Variants in ZNF75D observed in about 807,000 individuals in gnomAD.
ZNF75D encodes zinc finger protein 75D.
ZNF75D carries 33 observed loss-of-function variants against 33.3 expected under a neutral mutation model. That is an observed-to-expected ratio of 0.99 (90% CI 0.75 to 1.32). ZNF75D has a LOEUF of 1.32. Ranked by LOEUF, ZNF75D falls within the 40% of genes most tolerant of loss-of-function variation. The pLI, the probability that ZNF75D is intolerant of heterozygous loss-of-function variation, is 0.00. For synonymous variants in ZNF75D, 113 were observed against 130.6 expected (o/e 0.87, Z 0.92); for missense variants, 338 against 367.5 (o/e 0.92, Z 0.66).
chrX:135,319,565 G>A (rs1406958599), intron 1 of ZNF75D, among the ~76,000 whole-genome samples: 6 of 112,033 alleles, frequency 5.4e-5, no homozygotes, highest in African/African-American at 2.0e-4. Flanking sequence ...ATCTTCCTAT[G>A]AGGAGTGGTC....
At chrX:135,257,881 A>G (rs1303212326) in intron 1 of ZNF75D, among the ~76,000 whole-genome samples, 4 of 110,784 alleles carry the variant, frequency 3.6e-5, no homozygotes, top group Admixed American at 9.7e-5. Context: ...TGCTGGTTTT[A>G]TACATGTGCC....
chrX:135,262,674 A>C (rs1299858039), intron 1 of ZNF75D, among the ~76,000 whole-genome samples: 1 of 111,775 alleles, frequency 8.9e-6, no homozygotes, highest in Non-Finnish European at 1.9e-5. Context: ...TACACTGTTT[A>C]TTCTAGTTAG....
In ZNF75D at chrX:135,306,288, TACACACACACACACACACACAC is replaced by T. The variant is rs57049630; in HGVS notation, c.-390-10271_-390-10250del. Among the ~76,000 whole-genome samples the T allele has an allele frequency of 1.2e-4, 10 of 83,235 alleles. No homozygotes were observed. The South Asian group carries it at 4.7e-3, about 39-fold the overall frequency. The allele number at this position is 83,235 out of a possible 115,157, so 72.3% of individuals were successfully genotyped here. A position where few individuals can be genotyped will look rare whatever the true frequency, so the allele number is the denominator to read the frequency against. On this transcript the variant is annotated intron_variant, in intron 1 of 6. Transcript: ENST00000370766. ...AGGAAGACAGGACAACAGAGATACA[TACACACACACACACACACACAC>T]ACACACACACACACACACACACACA... is the stretch of plus-strand genomic sequence containing the variant.
intron 1 of ZNF75D, among the ~76,000 whole-genome samples, chrX:135,266,128 C>A (rs781787267): frequency 1.1e-4 from 12 of 111,078 alleles, no homozygotes; most frequent in Admixed American, 5.8e-4. Flanking sequence ...ATAACACATA[C>A]ACAAAAATAA....
At chrX:135,256,299 G>C (rs1476309727) in intron 1 of ZNF75D, among the ~76,000 whole-genome samples, 1 of 94,472 alleles carries the variant, frequency 1.1e-5, no homozygotes, top group Non-Finnish European at 2.1e-5. Context: ...AGCGTGGAGA[G>C]TCTGTGCACT....
At chrX:135,283,529 A>C (rs782470978), downstream of ZNF75D, among the ~76,000 whole-genome samples, 20 of 112,046 alleles carry the variant, frequency 1.8e-4, no homozygotes, top group African/African-American at 6.5e-4. Flanking sequence ...ATTACTTGAC[A>C]GAAGACTAGG....
At chrX:135,310,280 C>T (rs1040636214) in intron 1 of ZNF75D, among the ~76,000 whole-genome samples, 1 of 111,485 alleles carries the variant, frequency 9.0e-6, no homozygotes, top group Non-Finnish European at 1.9e-5. Context: ...AATTAATTTT[C>T]CTGAAGTGAA....
chrX:135,319,176 T>C (rs2084464275), intron 1 of ZNF75D, among the ~76,000 whole-genome samples: 1 of 112,468 alleles, frequency 8.9e-6, no homozygotes, highest in Non-Finnish European at 1.9e-5. Context: ...CCTCTAAGTT[T>C]CATTACTGCC....
At chrX:135,258,189 C>G (rs2083817291) in intron 1 of ZNF75D, among the ~76,000 whole-genome samples, 1 of 97,117 alleles carries the variant, frequency 1.0e-5, no homozygotes, top group South Asian at 4.0e-4. Flanking sequence ...ATAATCCAGT[C>G]TATCATTGAT....
intron 1 of ZNF75D, among the ~76,000 whole-genome samples, chrX:135,331,670 T>A (rs1422718074): frequency 9.0e-6 from 1 of 111,637 alleles, no homozygotes; most frequent in Non-Finnish European, 1.9e-5. Flanking sequence ...GCAGTCCTTC[T>A]GTGCCCTCTT....
intron 3 of ZNF75D, among the ~76,000 whole-genome samples, chrX:135,249,508 T>C (rs1422577217): frequency 8.4e-5 from 9 of 107,673 alleles, no homozygotes; most frequent in Admixed American, 4.0e-4. Context: ...AATCTCTTCG[T>C]TGGTCCATGG....
intron 1 of ZNF75D, among the ~76,000 whole-genome samples, chrX:135,337,967 T>G (rs1032308801): frequency 2.0e-4 from 22 of 110,400 alleles, no homozygotes; most frequent in African/African-American, 7.2e-4. Flanking sequence ...TTGAGGATTT[T>G]GGGGGTTGAG....
downstream of ZNF75D, among the ~76,000 whole-genome samples, chrX:135,284,266 T>A (rs1001634873): frequency 8.9e-6 from 1 of 112,465 alleles, no homozygotes; most frequent in Non-Finnish European, 1.9e-5. Flanking sequence ...AGCCATGTAC[T>A]GAGAAGGTGG....
chrX:135,293,585 G>A (rs981756898), intron 3 of ZNF75D, 145 bp downstream of exon 3: 1 of 515,541 alleles, frequency 1.9e-6, no homozygotes, highest in Non-Finnish European at 3.1e-6. Flanking sequence ...ATTGATGCAT[G>A]TATGTCATTT....
Position 135,293,719 on chromosome X carries a change from T to C in ZNF75D, c.411+11A>G. ...TACTTCATTGTACATGTAGGCAATC[T>C]TTCTTCTTACCTCATTCTTTGTTCC... On this transcript the variant is annotated intron_variant, in intron 3 of 6. Coordinates refer to ENST00000370766, the MANE Select transcript of ZNF75D (RefSeq NM_007131.5). The C allele has an allele frequency of 8.6e-7, 1 of 1,159,352 alleles. No homozygotes were observed. The highest frequency in any genetic ancestry group is 2.0e-5 in the South Asian group (1 of 49,377).
At chrX:135,333,962 A>C (rs2084680755) in intron 1 of ZNF75D, among the ~76,000 whole-genome samples, 1 of 111,842 alleles carries the variant, frequency 8.9e-6, no homozygotes, top group African/African-American at 3.3e-5. Context: ...GAAGCAGCAA[A>C]CTAAAATTCC....
At chrX:135,339,469 G>T (rs1556443853) in intron 1 of ZNF75D, among the ~76,000 whole-genome samples, 3 of 111,710 alleles carry the variant, frequency 2.7e-5, no homozygotes, top group African/African-American at 9.8e-5. Context: ...AACTCCTGTT[G>T]CTGCCTCTTG....
intron 1 of ZNF75D, among the ~76,000 whole-genome samples, chrX:135,277,649 T>A (rs1469122518): frequency 2.7e-5 from 3 of 112,585 alleles, no homozygotes; most frequent in African/African-American, 9.7e-5. Context: ...TAATCCATCT[T>A]GAGTTAATTT....
intron 1 of ZNF75D, among the ~76,000 whole-genome samples, chrX:135,277,776 T>C (rs1391052470): frequency 8.9e-6 from 1 of 112,180 alleles, no homozygotes; most frequent in Non-Finnish European, 1.9e-5. Flanking sequence ...GTTGTCATGT[T>C]TGTCAATGAT....
Sources: gnomAD v4.1 joint callset for allele counts (sites outside exome capture counted in the v4.1 genomes callset) on GRCh38, gnomAD v4.1.1 for gene constraint, MANE v1.5 for transcripts, NCBI Gene and HGNC (gene_info 2026-07-23, HGNC 2026-07-21) for gene names.